The following ROS1 variants were observed in gnomAD, a reference collection of about 807,000 sequenced individuals.
ROS1 encodes proto-oncogene tyrosine-protein kinase ROS.
ROS1 carries 263 observed loss-of-function variants against 273.5 expected under a neutral mutation model. The observed-to-expected ratio is 0.96, with a 90% CI of 0.87 to 1.06. ROS1 has a LOEUF of 1.06. Ranked by LOEUF, ROS1 falls within the 50% of genes least tolerant of loss-of-function variation. The probability of loss-of-function intolerance (pLI) is 0.00; values close to 1 mark genes in which losing one functional copy is unlikely to be tolerated. For synonymous variants in ROS1, 1,008 were observed against 954.1 expected, an observed-to-expected ratio of 1.06 and a Z score of -1.04; for missense variants, 2,833 against 2,751.1, an observed-to-expected ratio of 1.03 and a Z score of -0.67.
chr6:117,351,354 T>C (rs1778848614), intron 27 of ROS1, among the ~76,000 whole-genome samples: 1 of 152,140 alleles, frequency 6.6e-6, no homozygotes, highest in Non-Finnish European at 1.5e-5. Flanking sequence ...TTAGTGTATC[T>C]TGAATGCAGC....
At position 117,311,000 on chromosome 6, in the gene ROS1, T is replaced by C. The variant is rs1775503129; in HGVS notation, c.6215+20A>G. ...TGTGCCAATATCCGTAATAACCCTG[T>C]ATCCAGAAGAGAATTGTACCTGTGA... On this transcript the variant is annotated intron_variant, in intron 40 of 43. Transcript: ENST00000368507. 6.7e-7 allele frequency: 1 copy of C among 1,491,936 alleles called. No individual in the cohort carries two copies. Among genetic ancestry groups the C allele is most frequent in the Non-Finnish European group, 9.3e-7 (1 of 1,075,776 alleles). The allele number at this position is 1,491,936 out of a possible 1,614,324, so 92.4% of individuals were successfully genotyped here.
intron 43 of ROS1, among the ~76,000 whole-genome samples, chr6:117,298,318 T>C (rs1450944190): frequency 3.9e-5 from 6 of 152,166 alleles, no homozygotes; most frequent in East Asian, 3.9e-4. Context: ...CTAAACAATC[T>C]TGTACTCCAT....
chr6:117,407,712 T>G (rs1243212783), intron 5 of ROS1, among the ~76,000 whole-genome samples: 2 of 152,178 alleles, frequency 1.3e-5, no homozygotes, highest in Admixed American at 1.3e-4. Flanking sequence ...TTAGAAAAAC[T>G]ACTTTAAAGT....
intron 4 of ROS1, among the ~76,000 whole-genome samples, chr6:117,413,691 G>C (rs1775108739): frequency 6.6e-6 from 1 of 152,068 alleles, no homozygotes; most frequent in African/African-American, 2.4e-5. Context: ...GCACAAGAAA[G>C]AAAATTACGG....
chr6:117,357,755 G>A (rs1779446435), intron 25 of ROS1, 49 bp downstream of exon 25: 1 of 1,243,954 alleles, frequency 8.0e-7, no homozygotes, highest in Non-Finnish European at 1.1e-6. Context: ...CATTAAATAT[G>A]TCTATATCTA....
intron 22 of ROS1, 72 bp from the exon 23 acceptor site, chr6:117,360,477 G>T: frequency 1.0e-6 from 1 of 984,356 alleles, no homozygotes; most frequent in Non-Finnish European, 1.6e-6. Context: ...GAGACTGAGA[G>T]ATTACTAAAT....
intron 1 of ROS1, among the ~76,000 whole-genome samples, chr6:117,421,280 T>G (rs992284758): frequency 6.7e-6 from 1 of 150,220 alleles, no homozygotes; most frequent in African/African-American, 2.4e-5. Context: ...TTCCAATACC[T>G]TTTGGGGTAC....
At chr6:117,378,973 G>T in intron 18 of ROS1, 86 bp downstream of exon 18, 1 of 809,660 alleles carries the variant, frequency 1.2e-6, no homozygotes, top group Non-Finnish European at 2.0e-6. Flanking sequence ...AATGTTTATT[G>T]AAGGAATAAA....
At chr6:117,310,966 G>A (rs979945968) in intron 40 of ROS1, 54 bp downstream of exon 40, 113 of 1,086,056 alleles carry the variant, frequency 1.0e-4, no homozygotes, top group Non-Finnish European at 1.5e-4. Flanking sequence ...CTGCACTACA[G>A]GTGATTATTG....
chr6:117,321,980 C>G (rs1776322111), intron 35 of ROS1, among the ~76,000 whole-genome samples: 1 of 151,736 alleles, frequency 6.6e-6, no homozygotes, highest in Non-Finnish European at 1.5e-5. Context: ...GTAATTTGTA[C>G]TGTCTTCCTT....
In ROS1 at chr6:117,418,500, G is replaced by T. The variant is rs376113207; in HGVS notation, c.130C>A (p.Gln44Lys). ...LKSCVTNLGQ[Q>K]LDLGTPHNLS... ...TTATGTGGTGTGCCAAGGTCAAGCT[G>T]CTGGCCCTGAAATGAAGAAGGAGGT... Residue 44 changes from glutamine (Q) to lysine (K), a missense_variant, in exon 2 of 44, where the codon CAG (glutamine) becomes AAG (lysine). Physicochemically the swap from Gln to Lys is moderately conservative, Grantham distance 53 (BLOSUM62 1). Coordinates refer to ENST00000368507, the MANE Select transcript of ROS1 (RefSeq NM_001378902.1). 7 of 1,600,442 alleles carry T rather than the reference G, an allele frequency of 4.4e-6. No homozygotes were observed. The highest frequency in any genetic ancestry group is 1.3e-5 in the African/African-American group (1 of 74,092).
intron 22 of ROS1, among the ~76,000 whole-genome samples, chr6:117,361,977 T>C (rs1751968074): frequency 2.0e-5 from 3 of 152,130 alleles, no homozygotes; most frequent in African/African-American, 4.8e-5. Context: ...AGTGATTTTA[T>C]TGAAAAATAA....
In ROS1 at chr6:117,409,661, A is replaced by G. The variant is rs140610109; in HGVS notation, c.256-19T>C. 3.5e-4 allele frequency: 560 copies of G among 1,610,850 alleles called. 2 individuals are homozygous for G. In the African/African-American group the frequency reaches 7.0e-3, roughly 20 times the overall value. The stretch of plus-strand genomic sequence containing the variant: ...ACTCCCGCTGTGGAAGACAGGGAGC[A>G]TGACAGTCAGGGCAGCCTTGATACT... On this transcript the variant is annotated intron_variant, in intron 4 of 43. Coordinates refer to ENST00000368507, the MANE Select transcript of ROS1 (RefSeq NM_001378902.1).
chr6:117,298,487 T>C (rs1474728150), intron 43 of ROS1, among the ~76,000 whole-genome samples: 3 of 152,248 alleles, frequency 2.0e-5, no homozygotes, highest in Non-Finnish European at 4.4e-5. Context: ...GATTTAATTT[T>C]ATGTATTGGC....
In ROS1 at chr6:117,359,903, C is replaced by T. The variant is rs1304093001; in HGVS notation, c.3539G>A (p.Ser1180Asn). ...ATTATCAGCTGTGTAGCAAACGGCA[C>T]TGATAACTCTTTCTGCTGAAAACGT... ...VWTFSAERVI[S>N]AVCYTADNEM... is the part of the protein sequence containing the mutation. The change falls in exon 24 of 44, where the codon AGT (serine) becomes AAT (asparagine). Residue 1180 changes from serine (S) to asparagine (N), a missense_variant. Physicochemically the swap from Ser to Asn is conservative, Grantham distance 46 (BLOSUM62 1). Transcript: ENST00000368507. 50 of 1,613,912 alleles carry T rather than the reference C, an allele frequency of 3.1e-5. No individual in the cohort carries two copies. Among genetic ancestry groups the T allele is most frequent in the Non-Finnish European group, 4.1e-5 (48 of 1,179,862 alleles).
chr6:117,350,198 T>G (rs568882485), intron 27 of ROS1, among the ~76,000 whole-genome samples: 1 of 152,230 alleles, frequency 6.6e-6, no homozygotes, highest in Admixed American at 6.5e-5. Context: ...ATTCTCTCAA[T>G]TTTTGTCTGA....
intron 22 of ROS1, among the ~76,000 whole-genome samples, chr6:117,362,017 A>T (rs1198826954): frequency 3.3e-5 from 5 of 152,190 alleles, no homozygotes; most frequent in African/African-American, 4.8e-5. Context: ...ATGTACCCCA[A>T]ATGTATGTAC....
At chr6:117,382,943 A>G (rs923475259) in intron 17 of ROS1, among the ~76,000 whole-genome samples, 3 of 152,196 alleles carry the variant, frequency 2.0e-5, no homozygotes, top group African/African-American at 7.2e-5. Flanking sequence ...GATTGAAAAT[A>G]GTAAAATGCC....
Position 117,324,332 on chromosome 6 carries a change from CA to C in ROS1, c.5622del (p.Phe1874LeufsTer7). On this transcript the variant is annotated frameshift_variant and splice_region_variant, in exon 35 of 44. Coordinates refer to ENST00000368507, the MANE Select transcript of ROS1 (RefSeq NM_001378902.1). LOFTEE classifies it high-confidence loss of function. ...IFLVVTIPLT[F>X]VWHRRLKNQK... is the part of the protein sequence containing the mutation. The stretch of plus-strand genomic sequence containing the variant: ...ATTTTAAAAATTCTATTATACTTAC[CA>C]AAGGTCAGTGGGATTGTAACAACCA... The C allele has an allele frequency of 6.9e-7, 1 of 1,446,336 alleles. No individual in the cohort carries two copies. Among genetic ancestry groups the C allele is most frequent in the Non-Finnish European group, 9.6e-7 (1 of 1,039,850 alleles). The allele number at this position is 1,446,336 out of a possible 1,614,324, so 89.6% of individuals were successfully genotyped here. A position where few individuals can be genotyped will look rare whatever the true frequency, so the allele number is the denominator to read the frequency against.
Sources: allele counts gnomAD v4.1 joint callset (sites outside exome capture counted in the v4.1 genomes callset), GRCh38; gene constraint gnomAD v4.1.1; transcripts MANE v1.5; gene names NCBI Gene and HGNC (gene_info 2026-07-23, HGNC 2026-07-21).